ASB13: variants seen among roughly 807,000 people sequenced by gnomAD.
ASB13 encodes the protein ankyrin repeat and SOCS box containing 13.
ASB13 carries 33 observed loss-of-function variants against 28.8 expected under a neutral mutation model. That is an observed-to-expected ratio of 1.15 (90% CI 0.87 to 1.53). ASB13 has a LOEUF of 1.53. ASB13 is among the 40% of genes most tolerant of loss of function. The probability of loss-of-function intolerance (pLI) is 0.00; values close to 1 mark genes in which losing one functional copy is unlikely to be tolerated. For missense variants in ASB13, 414 were observed against 390.1 expected, an observed-to-expected ratio of 1.06 and a Z score of -0.52; for synonymous variants, 182 against 172.9, an observed-to-expected ratio of 1.05 and a Z score of -0.41.
chr10:5,659,575 C>T lies in ASB13; in HGVS notation c.44-6525G>A, dbSNP rs1185417010. Among the ~76,000 whole-genome samples the T allele has an allele frequency of 6.6e-6, 1 of 152,160 alleles. No homozygotes were observed. Among genetic ancestry groups the T allele is most frequent in the Admixed American group, 6.5e-5 (1 of 15,288 alleles). ...CCCTGCCTGGAAAGCTCTTCTCAGC[C>T]CCATTCCCCACCTTGCTTCCGGCTG... On this transcript the variant is annotated intron_variant, in intron 1 of 5. Coordinates refer to ENST00000357700, the MANE Select transcript of ASB13 (RefSeq NM_024701.4). This position sits in a 1 kb window ranked among gnomAD's most constrained non-coding sequence, Gnocchi z 5.8.
At position 5,641,645 on chromosome 10, in the gene ASB13, T is replaced by C. The variant is rs1834808519; in HGVS notation, c.709+125A>G. 2 of 1,051,792 alleles carry C rather than the reference T, an allele frequency of 1.9e-6. No individual in the cohort carries two copies. The highest frequency in any genetic ancestry group is 1.4e-6 in the Non-Finnish European group (1 of 737,316). 65.2% of individuals were successfully genotyped at this position (1,051,792 alleles called of 1,614,324 possible). A position where few individuals can be genotyped will look rare whatever the true frequency, so the allele number is the denominator to read the frequency against. ...CCGCAAAGTGCTTAAGGGTCTGTCC[T>C]AGCGCAGAGGACAGGAGCCAGGACT... On this transcript the variant is annotated intron_variant, in intron 5 of 5. Transcript: ENST00000357700. This position sits in a 1 kb window ranked among gnomAD's most constrained non-coding sequence, Gnocchi z 8.4.
Position 5,642,490 on chromosome 10 carries a change from T to C in ASB13, c.518-529A>G. ...TAACGTACCCAAAACAGTAGGCAAT[T>C]CAGAGAAGAGAGTAAGCTCTGCACT... On this transcript the variant is annotated intron_variant, in intron 4 of 5. Coordinates refer to ENST00000357700, the MANE Select transcript of ASB13 (RefSeq NM_024701.4). This position sits in a 1 kb window ranked among gnomAD's most constrained non-coding sequence, Gnocchi z 4.1. 1.7e-6 allele frequency: 2 copies of C among 1,209,920 alleles called. No individual in the cohort carries two copies. The highest frequency in any genetic ancestry group is 2.1e-6 in the Non-Finnish European group (2 of 958,488). 74.9% of individuals were successfully genotyped at this position (1,209,920 alleles called of 1,614,324 possible). A position where few individuals can be genotyped will look rare whatever the true frequency, so the allele number is the denominator to read the frequency against.
rs1834848289 is a variant in ASB13, at chr10:5,644,160, A to G, written c.518-2199T>C. On this transcript the variant is annotated intron_variant, in intron 4 of 5. Transcript: ENST00000357700. The surrounding 1 kb of genome is among the most constrained non-coding windows in gnomAD (Gnocchi z 5.1). Reference sequence around the variant, plus strand: ...AAGTATAGCACTGAGTGAGCCAAGAAGAGAGTCAGAGATGAAACTCGATCA... The same window carrying G: ...AAGTATAGCACTGAGTGAGCCAAGAGGAGAGTCAGAGATGAAACTCGATCA... Among the ~76,000 whole-genome samples, 1 of 152,244 alleles carries G rather than the reference A, an allele frequency of 6.6e-6. No homozygotes were observed. Among genetic ancestry groups the G allele is most frequent in the Non-Finnish European group, 1.5e-5 (1 of 68,042 alleles).
Position 5,642,500 on chromosome 10 carries a change from G to A in ASB13, c.518-539C>T. On this transcript the variant is annotated intron_variant, in intron 4 of 5. Transcript: ENST00000357700. The surrounding 1 kb of genome is among the most constrained non-coding windows in gnomAD (Gnocchi z 4.1). ...AAAACAGTAGGCAATTCAGAGAAGA[G>A]AGTAAGCTCTGCACTCCTCAACTTT... 8.2e-7 allele frequency: 1 copy of A among 1,221,408 alleles called. No homozygotes were observed. The highest frequency in any genetic ancestry group is 1.0e-6 in the Non-Finnish European group (1 of 964,994). 75.7% of individuals were successfully genotyped at this position (1,221,408 alleles called of 1,614,324 possible).
intron 1 of ASB13, among the ~76,000 whole-genome samples, chr10:5,654,927 G>T (rs561478786): frequency 6.6e-6 from 1 of 151,964 alleles, no homozygotes; most frequent in Non-Finnish European, 1.5e-5. Flanking sequence ...TGAAACCCCC[G>T]TCTCTACTAA....
In ASB13 at chr10:5,661,841, C is replaced by T. The variant is rs1835171579; in HGVS notation, c.43+4668G>A. On this transcript the variant is annotated intron_variant, in intron 1 of 5. Coordinates refer to ENST00000357700, the MANE Select transcript of ASB13 (RefSeq NM_024701.4). This position sits in a 1 kb window ranked among gnomAD's most constrained non-coding sequence, Gnocchi z 4.9. ...GTTGCTGGAGTCAGAAATTTTGTTC[C>T]GAGTAAATCACCAAGGGGAGTCTGG... Among the ~76,000 whole-genome samples, 1 of 152,130 alleles carries T rather than the reference C, an allele frequency of 6.6e-6. No individual in the cohort carries two copies. The highest frequency in any genetic ancestry group is 2.1e-4 in the South Asian group (1 of 4,830).
chr10:5,654,241 C>T (rs895119368), intron 1 of ASB13, among the ~76,000 whole-genome samples: 2 of 149,854 alleles, frequency 1.3e-5, no homozygotes, highest in Non-Finnish European at 1.5e-5. Flanking sequence ...GGAGAGTCTG[C>T]GAAGAGGCCT....
At position 5,652,789 on chromosome 10, in the gene ASB13, A is replaced by T; in HGVS notation, c.231+74T>A. ...AGCCCCCATCCTCCCCTCTTTCCCA[A>T]GTTCTCCTGAGTCAACCTCCTCCAT... On this transcript the variant is annotated intron_variant, in intron 2 of 5. Transcript: ENST00000357700. The surrounding 1 kb of genome is among the most constrained non-coding windows in gnomAD (Gnocchi z 5.0). The T allele has an allele frequency of 1.4e-6, 2 of 1,418,314 alleles. No homozygotes were observed. Among genetic ancestry groups the T allele is most frequent in the Non-Finnish European group, 1.9e-6 (2 of 1,075,200 alleles). 87.9% of individuals were successfully genotyped at this position (1,418,314 alleles called of 1,614,324 possible).
chr10:5,660,842 C>T lies in ASB13; in HGVS notation c.43+5667G>A, dbSNP rs34807247. 0.087 allele frequency among the ~76,000 whole-genome samples: 13,248 copies of T among 152,082 alleles called. 688 individuals carry two copies. Among genetic ancestry groups the T allele is most frequent in the Non-Finnish European group, 0.12 (8,026 of 67,944 alleles). On this transcript the variant is annotated intron_variant, in intron 1 of 5. Coordinates refer to ENST00000357700, the MANE Select transcript of ASB13 (RefSeq NM_024701.4). This position sits in a 1 kb window ranked among gnomAD's most constrained non-coding sequence, Gnocchi z 6.1. ...CTGCCCAATTTTTCTGCTCAGTTCC[C>T]GGGCCCTCTGAGACCAGAGCCCCTC...
At chr10:5,654,140 T>G (rs1379533885) in intron 1 of ASB13, among the ~76,000 whole-genome samples, 1 of 108,162 alleles carries the variant, frequency 9.2e-6, no homozygotes, top group African/African-American at 3.0e-5. Context: ...TTTTCTTCTT[T>G]TTTTCTTTTT....
Position 5,642,538 on chromosome 10 carries a change from GC to G in ASB13, c.518-578del. 1 of 1,251,286 alleles carries G rather than the reference GC, an allele frequency of 8.0e-7. No homozygotes were observed. Among genetic ancestry groups the G allele is most frequent in the South Asian group, 1.4e-5 (1 of 72,592 alleles). The allele number at this position is 1,251,286 out of a possible 1,614,324, so 77.5% of individuals were successfully genotyped here. ...ACTCCTCAACTTTCTCACGATAAGAGCAGACATTCATCAAGCTGATTAAAAG... is the reference window on the plus strand; with the variant it reads ...ACTCCTCAACTTTCTCACGATAAGAGAGACATTCATCAAGCTGATTAAAAG... On this transcript the variant is annotated intron_variant, in intron 4 of 5. Coordinates refer to ENST00000357700, the MANE Select transcript of ASB13 (RefSeq NM_024701.4). The surrounding 1 kb of genome is among the most constrained non-coding windows in gnomAD (Gnocchi z 4.1).
intron 1 of ASB13, among the ~76,000 whole-genome samples, chr10:5,662,568 GA>G (rs1835188480): frequency 6.1e-5 from 4 of 65,484 alleles, no homozygotes; most frequent in South Asian, 5.8e-4. Flanking sequence ...GGGGAGGGGA[GA>G]AGAGAAGAGA....
rs1362331438 is a variant in ASB13, at chr10:5,664,234, C to CA, written c.43+2274dup. On this transcript the variant is annotated intron_variant, in intron 1 of 5. Coordinates refer to ENST00000357700, the MANE Select transcript of ASB13 (RefSeq NM_024701.4). This position sits in a 1 kb window ranked among gnomAD's most constrained non-coding sequence, Gnocchi z 4.2. ...CAGGAAGACACCCCTGCCCCACCCC[C>CA]ACCCCGGCTTCCCAGAGCAGCAGCA... Among the ~76,000 whole-genome samples, 1 of 151,834 alleles carries CA rather than the reference C, an allele frequency of 6.6e-6. No individual in the cohort carries two copies. Among genetic ancestry groups the CA allele is most frequent in the Non-Finnish European group, 1.5e-5 (1 of 67,966 alleles).
chr10:5,643,676 G>A (rs973104229), intron 4 of ASB13, among the ~76,000 whole-genome samples: 5 of 152,286 alleles, frequency 3.3e-5, no homozygotes, highest in South Asian at 2.1e-4. Flanking sequence ...ATCATAACAC[G>A]AAGTAAATTT....
In ASB13 at chr10:5,641,653, A is replaced by G; in HGVS notation, c.709+117T>C. On this transcript the variant is annotated intron_variant, in intron 5 of 5. Coordinates refer to ENST00000357700, the MANE Select transcript of ASB13 (RefSeq NM_024701.4). This position sits in a 1 kb window ranked among gnomAD's most constrained non-coding sequence, Gnocchi z 8.4. The stretch of plus-strand genomic sequence containing the variant: ...TGCTTAAGGGTCTGTCCTAGCGCAG[A>G]GGACAGGAGCCAGGACTAACAGCCC... 9.0e-7 allele frequency: 1 copy of G among 1,116,354 alleles called. No individual in the cohort carries two copies. The highest frequency in any genetic ancestry group is 1.3e-6 in the Non-Finnish European group (1 of 794,422). 69.2% of individuals were successfully genotyped at this position (1,116,354 alleles called of 1,614,324 possible).
rs1206503342 is a variant in ASB13, at chr10:5,658,734, A to T, written c.44-5684T>A. On this transcript the variant is annotated intron_variant, in intron 1 of 5. Transcript: ENST00000357700. This position sits in a 1 kb window ranked among gnomAD's most constrained non-coding sequence, Gnocchi z 4.2. ...TGTGCTCTCTACTACAATTAAAAAT[A>T]GAAAAAAAAAATTTTTAAGTAACCA... Among the ~76,000 whole-genome samples the T allele has an allele frequency of 6.6e-6, 1 of 152,010 alleles. No individual in the cohort carries two copies. Among genetic ancestry groups the T allele is most frequent in the African/African-American group, 2.4e-5 (1 of 41,242 alleles).
chr10:5,652,422 A>G lies in ASB13; in HGVS notation c.231+441T>C, dbSNP rs1835002283. ...AACCCCCGGTGGCTTAATACTAGCCAGGGTGGGAACATTTACACCAGGGAA... is the reference window on the plus strand; with the variant it reads ...AACCCCCGGTGGCTTAATACTAGCCGGGGTGGGAACATTTACACCAGGGAA... On this transcript the variant is annotated intron_variant, in intron 2 of 5. Transcript: ENST00000357700. This position sits in a 1 kb window ranked among gnomAD's most constrained non-coding sequence, Gnocchi z 5.0. Among the ~76,000 whole-genome samples the G allele has an allele frequency of 3.3e-5, 5 of 152,178 alleles. No homozygotes were observed. Among genetic ancestry groups the G allele is most frequent in the Admixed American group, 3.3e-4 (5 of 15,286 alleles).
chr10:5,646,653 T>C (rs1474712836), intron 4 of ASB13, among the ~76,000 whole-genome samples: 2 of 152,196 alleles, frequency 1.3e-5, no homozygotes, highest in African/African-American at 4.8e-5. Flanking sequence ...GAACTAGAAA[T>C]GCCCGCCATT....
Position 5,651,462 on chromosome 10 carries a change from G to GCA in ASB13, c.232-100_232-99insTG. 7.4e-7 allele frequency: 1 copy of GCA among 1,343,198 alleles called. No individual in the cohort carries two copies. The highest frequency in any genetic ancestry group is 1.5e-5 in the South Asian group (1 of 67,528). The allele number at this position is 1,343,198 out of a possible 1,614,324, so 83.2% of individuals were successfully genotyped here. A position where few individuals can be genotyped will look rare whatever the true frequency, so the allele number is the denominator to read the frequency against. On this transcript the variant is annotated intron_variant, in intron 2 of 5. Coordinates refer to ENST00000357700, the MANE Select transcript of ASB13 (RefSeq NM_024701.4). The surrounding 1 kb of genome is among the most constrained non-coding windows in gnomAD (Gnocchi z 5.1). ...TTCATCTTTGCTAAGATGCTTCTTA[G>GCA]AAGCACCGGTTTGCTTTGCTATTAT...
Sources: gnomAD v4.1 joint callset for allele counts (sites outside exome capture counted in the v4.1 genomes callset) on GRCh38, gnomAD v4.1.1 for gene constraint, Gnocchi (gnomAD v3.1) non-coding constraint, MANE v1.5 for transcripts, NCBI Gene and HGNC (gene_info 2026-07-23, HGNC 2026-07-21) for gene names.